The following DNAH17 variants were observed in gnomAD, a reference collection of about 807,000 sequenced individuals.
DNAH17 encodes axonemal beta dynein heavy chain 17.
A neutral mutation model predicts 485.6 loss-of-function variants in DNAH17; 376 were observed. The observed-to-expected ratio is 0.77, with a 90% CI of 0.71 to 0.84. The LOEUF (loss-of-function observed/expected upper bound fraction) is 0.84. DNAH17 is among the 40% of genes least tolerant of loss of function. The pLI is 0.00. For synonymous variants in DNAH17, 3,031 were observed against 2,405.9 expected (o/e 1.26, Z -7.60); for missense variants, 6,370 against 5,839.3 (o/e 1.09, Z -2.96).
chr17:78,525,609 A>T (rs62075879), intron 24 of DNAH17, among the ~76,000 whole-genome samples: 21,684 of 152,260 alleles, frequency 0.14, 1,815 homozygotes, highest in Middle Eastern at 0.22. Context: ...GCACCTGGTG[A>T]TAGTGGGTGT....
chr17:78,431,053 A>G lies in DNAH17; in HGVS notation c.12226-1753T>C, dbSNP rs565217963. On this transcript the variant is annotated intron_variant, in intron 75 of 80. Transcript: ENST00000389840. ...ACCACCATGCCAGACTAATTTTTTT[A>G]TTTTTTGTAGAGACAGGGTCTTGCT... Among the ~76,000 whole-genome samples, 54 of 146,890 alleles carry G rather than the reference A, an allele frequency of 3.7e-4. 1 individual carries two copies. The highest frequency in any genetic ancestry group is 1.0e-3 in the African/African-American group (40 of 39,404).
chr17:78,484,552 C>CGGTGGAAG (rs1475916667), intron 48 of DNAH17, among the ~76,000 whole-genome samples: 1 of 135,392 alleles, frequency 7.4e-6, no homozygotes, highest in African/African-American at 2.7e-5. Flanking sequence ...ACAGACACCT[C>CGGTGGAAG]GGTGGAAGGG....
intron 18 of DNAH17, 24 bp downstream of exon 18, chr17:78,539,713 T>C (rs1481179294): frequency 2.6e-6 from 4 of 1,561,090 alleles, no homozygotes; most frequent in Admixed American, 1.9e-5. Flanking sequence ...TACATAAATA[T>C]ATTACCTTAT....
At chr17:78,495,793 C>T in intron 38 of DNAH17, 82 bp downstream of exon 38, 1 of 1,519,444 alleles carries the variant, frequency 6.6e-7, no homozygotes, top group African/African-American at 1.4e-5. Flanking sequence ...TGCCCCTCCC[C>T]TCTGCCCACT....
In DNAH17 at chr17:78,485,674, C is replaced by T; in HGVS notation, c.7359G>A (p.Leu2453=). 1 of 1,613,962 alleles carries T rather than the reference C, an allele frequency of 6.2e-7. No homozygotes were observed. Among genetic ancestry groups the T allele is most frequent in the Non-Finnish European group, 8.5e-7 (1 of 1,179,898 alleles). Residue 2453 remains leucine (L), a synonymous_variant, in exon 47 of 81, where the codon CTG becomes CTA. Transcript: ENST00000389840. The part of the protein sequence containing the change: ...LLMEKSWPVM[L]VGNAGTGKSV... ...ACTTGCCCGTCCCCGCGTTCCCCAC[C>T]AGCATCACCGGCCAGGACTTCTCCA...
chr17:78,454,776 A>T lies in DNAH17; in HGVS notation c.10171-71T>A, dbSNP rs1197086373. On this transcript the variant is annotated intron_variant, in intron 63 of 80. Coordinates refer to ENST00000389840, the MANE Select transcript of DNAH17 (RefSeq NM_173628.4). The stretch of plus-strand genomic sequence containing the variant: ...TTACTTACTAGAAAATAGCTCTCCA[A>T]ATAATGCTCTGTCTGGTGCTGCGGT... 1.6e-5 allele frequency: 21 copies of T among 1,352,590 alleles called. No individual in the cohort carries two copies. The South Asian group carries it at 2.5e-4, about 16-fold the overall frequency. 83.8% of individuals were successfully genotyped at this position (1,352,590 alleles called of 1,614,324 possible). A position where few individuals can be genotyped will look rare whatever the true frequency, so the allele number is the denominator to read the frequency against.
Position 78,502,717 on chromosome 17 carries a change from C to A in DNAH17, c.5083-19G>T. ...GGGCCACCTGAAAGTACATACCCCC[C>A]ATTGCCCACGCAGTGAGCGATCGCT... On this transcript the variant is annotated intron_variant, in intron 32 of 80. Transcript: ENST00000389840. The A allele has an allele frequency of 6.2e-7, 1 of 1,608,452 alleles. No homozygotes were observed. Among genetic ancestry groups the A allele is most frequent in the Non-Finnish European group, 8.5e-7 (1 of 1,179,132 alleles).
chr17:78,552,089 G>T (rs905948381), intron 15 of DNAH17, among the ~76,000 whole-genome samples: 3 of 152,160 alleles, frequency 2.0e-5, no homozygotes, highest in African/African-American at 7.2e-5. Flanking sequence ...GAAATCGCTG[G>T]GCGTTCTCTG....
chr17:78,486,528 G>T (rs187173395), intron 44 of DNAH17, 22 bp from the exon 45 acceptor site: 145 of 1,582,294 alleles, frequency 9.2e-5, no homozygotes, highest in Non-Finnish European at 1.2e-4. Flanking sequence ...AGGAGGCGCC[G>T]ATGACACAGC....
intron 3 of DNAH17, 94 bp from the exon 4 acceptor site, chr17:78,571,876 AACC>A (rs1229491160): frequency 2.4e-6 from 3 of 1,229,616 alleles, no homozygotes; most frequent in Non-Finnish European, 3.4e-6. Flanking sequence ...ACCAATCCCA[AACC>A]ACCAGCAGCA....
At chr17:78,542,295 C>G (rs2091616869) in intron 17 of DNAH17, among the ~76,000 whole-genome samples, 1 of 151,954 alleles carries the variant, frequency 6.6e-6, no homozygotes, top group South Asian at 2.1e-4. Context: ...TTACAGGTTC[C>G]TACCACTATA....
chr17:78,545,519 G>A lies in DNAH17; in HGVS notation c.2392-1522C>T, dbSNP rs926746486. 3.3e-5 allele frequency among the ~76,000 whole-genome samples: 5 copies of A among 152,096 alleles called. No homozygotes were observed. In the East Asian group the frequency reaches 5.8e-4, roughly 18 times the overall value. On this transcript the variant is annotated intron_variant, in intron 16 of 80. Coordinates refer to ENST00000389840, the MANE Select transcript of DNAH17 (RefSeq NM_173628.4). Reference sequence around the variant, plus strand: ...TGTTGTGACCTCACATGGCGGAGGGGCAGAGTGAGCTCTCTCATGTCTGTT... The same window carrying A: ...TGTTGTGACCTCACATGGCGGAGGGACAGAGTGAGCTCTCTCATGTCTGTT...
intron 19 of DNAH17, 74 bp downstream of exon 19, chr17:78,537,225 G>A (rs1304316104): frequency 4.4e-5 from 63 of 1,446,590 alleles, no homozygotes; most frequent in African/African-American, 5.7e-5. Context: ...AAGCCTTGCC[G>A]AGTTAGGGCG....
In DNAH17 at chr17:78,466,802, G is replaced by C. The variant is rs753296079; in HGVS notation, c.8793C>G (p.Phe2931Leu). 75 of 1,592,962 alleles carry C rather than the reference G, an allele frequency of 4.7e-5. No individual in the cohort carries two copies. The African/African-American group carries it at 1.0e-3, about 21-fold the overall frequency. Residue 2931 changes from phenylalanine (F) to leucine (L), a missense_variant, in exon 56 of 81, where the codon TTC (phenylalanine) becomes TTG (leucine). By Grantham distance (22) the Phe-to-Leu change is conservative. Transcript: ENST00000389840. ...VRRQLKVILC[F>L]SPVGSVLRVR... ...CCCGCAGCACGGAGCCCACAGGGGA[G>C]AAACACAGGATCACCTGGGTGTGGG...
At position 78,453,449 on chromosome 17, in the gene DNAH17, C is replaced by T. The variant is rs759535330; in HGVS notation, c.10423G>A (p.Glu3475Lys). The part of the protein sequence containing the change: ...LGQKSYLDVI[E>K]QAISEGDTLL... ...GTGTCCCCTTCCGAGATGGCCTGCT[C>T]GATGACATCCAGGTAGCTGCGGGCA... Residue 3475 changes from glutamate to lysine, a missense_variant, in exon 65 of 81, where the codon GAG becomes AAG. Glu to Lys is a moderately conservative substitution (Grantham distance 56, BLOSUM62 1). Transcript: ENST00000389840. The T allele has an allele frequency of 1.4e-5, 23 of 1,613,780 alleles. No homozygotes were observed. The highest frequency in any genetic ancestry group is 1.9e-5 in the Non-Finnish European group (22 of 1,179,824).
chr17:78,529,786 T>C (rs1290789637), intron 21 of DNAH17, 92 bp from the exon 22 acceptor site: 2 of 1,270,866 alleles, frequency 1.6e-6, no homozygotes, highest in African/African-American at 3.0e-5. Context: ...ACGACCGCGG[T>C]GAGGTCAACT....
chr17:78,562,959 C>T (rs898237016), intron 11 of DNAH17, among the ~76,000 whole-genome samples: 15 of 152,208 alleles, frequency 9.9e-5, no homozygotes, highest in African/African-American at 2.7e-4. Flanking sequence ...CCATAACCCA[C>T]GCCCAATGGG....
chr17:78,464,111 T>C (rs1203165467), intron 56 of DNAH17, among the ~76,000 whole-genome samples: 2 of 152,210 alleles, frequency 1.3e-5, no homozygotes, highest in African/African-American at 2.4e-5. Flanking sequence ...TGGATATGTG[T>C]TCAAAAGAAA....
At position 78,425,590 on chromosome 17, in the gene DNAH17, C is replaced by A. The variant is rs375601220; in HGVS notation, c.12916-19G>T. The A allele has an allele frequency of 2.5e-6, 4 of 1,586,838 alleles. No homozygotes were observed. Among genetic ancestry groups the A allele is most frequent in the Non-Finnish European group, 3.4e-6 (4 of 1,165,882 alleles). Reference sequence around the variant, plus strand: ...CGAGTTCCTGCAAGGACACACGAGCCGCTAGGAGGAGAGGACATAGAATGA... The same window carrying A: ...CGAGTTCCTGCAAGGACACACGAGCAGCTAGGAGGAGAGGACATAGAATGA... On this transcript the variant is annotated intron_variant, in intron 79 of 80. Coordinates refer to ENST00000389840, the MANE Select transcript of DNAH17 (RefSeq NM_173628.4).
Sources: gnomAD v4.1 joint callset for allele counts (sites outside exome capture counted in the v4.1 genomes callset) on GRCh38, gnomAD v4.1.1 for gene constraint, MANE v1.5 for transcripts, NCBI Gene and HGNC (gene_info 2026-07-23, HGNC 2026-07-21) for gene names.